SHISA6: variants seen among roughly 807,000 people sequenced by gnomAD.
SHISA6 encodes the protein shisa family member 6.
In SHISA6, 22 loss-of-function variants were observed where a neutral mutation model predicts 47.9. The ratio of observed to expected loss-of-function variants is 0.46; its 90% confidence interval spans 0.33 to 0.66. SHISA6 has a LOEUF of 0.66. Ranked by LOEUF, SHISA6 falls within the 30% of genes least tolerant of loss-of-function variation. SHISA6 has a pLI of 0.02. For missense variants in SHISA6, 680 were observed against 764.6 expected (o/e 0.89, Z 1.30); for synonymous variants, 388 against 337.8 (o/e 1.15, Z -1.63).
intron 2 of SHISA6, among the ~76,000 whole-genome samples, chr17:11,271,676 T>A (rs1908671996): frequency 6.8e-6 from 1 of 147,436 alleles, no homozygotes; most frequent in Non-Finnish European, 1.5e-5. Context: ...GCCAGGCTGG[T>A]TTCTAACTCC....
chr17:11,376,491 A>G (rs915467420), intron 2 of SHISA6, among the ~76,000 whole-genome samples: 3 of 151,814 alleles, frequency 2.0e-5, no homozygotes, highest in Non-Finnish European at 4.4e-5. Context: ...CACTTGGCTC[A>G]TTTTTTGTAT....
At chr17:11,361,575 T>G (rs367923293) in intron 2 of SHISA6, among the ~76,000 whole-genome samples, 110 of 152,310 alleles carry the variant, frequency 7.2e-4, no homozygotes, top group African/African-American at 2.3e-3. Flanking sequence ...GGCATTGACT[T>G]GGAGGCAAAA....
intron 3 of SHISA6, among the ~76,000 whole-genome samples, chr17:11,545,074 C>T (rs1231815776): frequency 6.6e-6 from 1 of 150,860 alleles, no homozygotes; most frequent in African/African-American, 2.4e-5. Context: ...ACAACCTGCA[C>T]ACGAATGTTG....
At chr17:11,421,586 A>T (rs1018522927) in intron 3 of SHISA6, among the ~76,000 whole-genome samples, 13 of 152,216 alleles carry the variant, frequency 8.5e-5, no homozygotes, top group African/African-American at 3.1e-4. Context: ...CGAGGTGGGA[A>T]GTGTGCAAGC....
At chr17:11,534,332 T>C (rs1213135004) in intron 3 of SHISA6, among the ~76,000 whole-genome samples, 1 of 151,994 alleles carries the variant, frequency 6.6e-6, no homozygotes. Context: ...GAAATATTTA[T>C]TGAGCAATTG....
intron 2 of SHISA6, among the ~76,000 whole-genome samples, chr17:11,277,042 A>G (rs545903444): frequency 6.6e-6 from 1 of 152,192 alleles, no homozygotes; most frequent in South Asian, 2.1e-4. Context: ...GCCAGACCAA[A>G]CAGTTGATGA....
intron 2 of SHISA6, among the ~76,000 whole-genome samples, chr17:11,365,485 C>T (rs922517838): frequency 2.0e-5 from 3 of 152,132 alleles, no homozygotes; most frequent in Admixed American, 6.6e-5. Flanking sequence ...ACCATGTTGG[C>T]CAGGCTGGTC....
intron 3 of SHISA6, among the ~76,000 whole-genome samples, chr17:11,545,146 G>A (rs2071873253): frequency 1.6e-5 from 2 of 122,842 alleles, no homozygotes; most frequent in South Asian, 5.6e-4. Flanking sequence ...TCAACAGGTC[G>A]ATGGTTTAAA....
intron 3 of SHISA6, among the ~76,000 whole-genome samples, chr17:11,499,882 A>T (rs2071437717): frequency 6.6e-6 from 1 of 151,716 alleles, no homozygotes; most frequent in Non-Finnish European, 1.5e-5. Context: ...TTGTATTCCT[A>T]GTAAAGATGG....
intron 3 of SHISA6, among the ~76,000 whole-genome samples, chr17:11,431,617 G>A (rs1275397526): frequency 6.6e-6 from 1 of 152,148 alleles, no homozygotes; most frequent in African/African-American, 2.4e-5. Flanking sequence ...CTTCCAGCAT[G>A]TGAATTGGTA....
chr17:11,528,950 T>C (rs1365694135), intron 3 of SHISA6, among the ~76,000 whole-genome samples: 6 of 152,120 alleles, frequency 3.9e-5, no homozygotes, highest in Admixed American at 3.3e-4. Flanking sequence ...CCCAGCACTT[T>C]GGGAAGCCGA....
chr17:11,493,807 C>A (rs1026734637), intron 3 of SHISA6, among the ~76,000 whole-genome samples: 3 of 152,196 alleles, frequency 2.0e-5, no homozygotes, highest in African/African-American at 7.2e-5. Context: ...GGCATTTTGA[C>A]TCCTGTCGGA....
intron 3 of SHISA6, among the ~76,000 whole-genome samples, chr17:11,530,825 G>A (rs2071725857): frequency 6.6e-6 from 1 of 152,232 alleles, no homozygotes; most frequent in African/African-American, 2.4e-5. Context: ...ATGTTTCAGA[G>A]CGAGGCAGCT....
At chr17:11,258,465 T>C (rs145142766) in intron 1 of SHISA6, among the ~76,000 whole-genome samples, 1 of 152,282 alleles carries the variant, frequency 6.6e-6, no homozygotes, top group Admixed American at 6.5e-5. Context: ...CCCACTTAAT[T>C]TGGGGGGAAC....
chr17:11,372,765 A>G (rs205040), intron 2 of SHISA6, among the ~76,000 whole-genome samples: 150,826 of 152,140 alleles, frequency 0.99, 74,769 homozygotes, highest in East Asian at 1. Context: ...ATATTTTTCC[A>G]TAGAGAGTTT....
intron 2 of SHISA6, among the ~76,000 whole-genome samples, chr17:11,313,398 C>T (rs924988432): frequency 6.6e-6 from 1 of 152,148 alleles, no homozygotes; most frequent in African/African-American, 2.4e-5. Context: ...TGAGTCCTTT[C>T]TACATACTGT....
At chr17:11,344,533 A>T (rs951501433) in intron 2 of SHISA6, among the ~76,000 whole-genome samples, 16 of 152,296 alleles carry the variant, frequency 1.1e-4, no homozygotes, top group African/African-American at 3.8e-4. Flanking sequence ...ACCGTTTATG[A>T]AAAAGAGTGT....
intron 2 of SHISA6, among the ~76,000 whole-genome samples, chr17:11,328,667 A>G (rs1910996145): frequency 1.3e-5 from 2 of 152,222 alleles, no homozygotes; most frequent in Non-Finnish European, 2.9e-5. Context: ...AAGTAACAAA[A>G]CAGTGTTTCT....
intron 3 of SHISA6, among the ~76,000 whole-genome samples, chr17:11,459,785 C>T (rs1318205604): frequency 2.0e-5 from 3 of 152,182 alleles, no homozygotes; most frequent in Non-Finnish European, 4.4e-5. Flanking sequence ...AGTCACAGAA[C>T]ACATCACGGG....
Sources: allele counts gnomAD v4.1 joint callset (sites outside exome capture counted in the v4.1 genomes callset), GRCh38; gene constraint gnomAD v4.1.1; transcripts MANE v1.5; gene names NCBI Gene and HGNC (gene_info 2026-07-23, HGNC 2026-07-21).